Variants in VEPH1 observed in about 807,000 individuals in gnomAD.
VEPH1 encodes the protein ventricular zone expressed PH domain containing 1, also known as ventricular zone-expressed PH domain-containing protein homolog 1.
Under a neutral mutation model 85.2 loss-of-function variants are expected in VEPH1, and 80 were observed. The observed-to-expected ratio is 0.94, with a 90% confidence interval of 0.78 to 1.13. The LOEUF is 1.13. Among genes scored for constraint, VEPH1 ranks in the 50% most tolerant of loss-of-function variants. The pLI is 0.00. For synonymous variants in VEPH1, 297 were observed against 348.0 expected (o/e 0.85, Z 1.63); for missense variants, 955 against 980.5 (o/e 0.97, Z 0.35).
chr3:157,332,299 C>T lies in VEPH1; in HGVS notation c.1736-15098G>A, dbSNP rs554876335. 2.6e-5 allele frequency among the ~76,000 whole-genome samples: 4 copies of T among 152,288 alleles called. No individual in the cohort carries two copies. The South Asian group carries it at 8.3e-4, about 32-fold the overall frequency. On this transcript the variant is annotated intron_variant, in intron 9 of 13. Coordinates refer to ENST00000362010, the MANE Select transcript of VEPH1 (RefSeq NM_001167912.2). ...GTGTACAGTTCAGTGGCAGTAAGTA[C>T]ATTTATGATGTTGTACACCTATCAC...
intron 2 of VEPH1, among the ~76,000 whole-genome samples, chr3:157,477,208 C>A (rs1302999101): frequency 6.8e-6 from 1 of 147,228 alleles, no homozygotes; most frequent in South Asian, 2.1e-4. Context: ...TTTTTTTAAT[C>A]TGTTCTAGCT....
At chr3:157,344,062 G>T (rs1402954981) in intron 9 of VEPH1, among the ~76,000 whole-genome samples, 1 of 152,150 alleles carries the variant, frequency 6.6e-6, no homozygotes, top group Non-Finnish European at 1.5e-5. Context: ...CAAACCCACA[G>T]CCAATAGCAT....
chr3:157,398,283 T>A (rs188627213), intron 6 of VEPH1, among the ~76,000 whole-genome samples: 4 of 152,284 alleles, frequency 2.6e-5, no homozygotes, highest in East Asian at 1.9e-4. Flanking sequence ...AATTTGGTGA[T>A]CTGTAGTCAA....
intron 2 of VEPH1, among the ~76,000 whole-genome samples, chr3:157,488,015 C>T (rs1199337468): frequency 6.6e-6 from 1 of 151,882 alleles, no homozygotes; most frequent in Admixed American, 6.6e-5. Flanking sequence ...TTCTGGAGAG[C>T]TAGTCAGGAT....
chr3:157,264,200 G>A (rs1334465593), intron 13 of VEPH1, among the ~76,000 whole-genome samples: 2 of 152,198 alleles, frequency 1.3e-5, no homozygotes, highest in Non-Finnish European at 2.9e-5. Context: ...GGATATCAGA[G>A]CTCCTGGTTT....
At chr3:157,385,553 T>A (rs73018267) in intron 6 of VEPH1, among the ~76,000 whole-genome samples, 3,944 of 152,244 alleles carry the variant, frequency 0.026, 190 homozygotes, top group African/African-American at 0.091. Context: ...AAACAAAAAA[T>A]TTAGTGAGAA....
rs1735726843 is a variant in VEPH1 at position 157,460,197 on chromosome 3, T to C, written c.513A>G (p.Val171=). 6.2e-7 allele frequency: 1 copy of C among 1,614,100 alleles called. No individual in the cohort carries two copies. Among genetic ancestry groups the C allele is most frequent in the African/African-American group, 1.3e-5 (1 of 74,930 alleles). ...GCACCATACCTTGGAGTATGCTCTT[T>C]ACTATAACTTCCGTGTGATCAGCCA... ...DLLADHTEVI[V]KSILQGNTML... is the part of the protein sequence containing the mutation. The change falls in exon 4 of 14, where the codon GTA becomes GTG. Residue 171 remains valine, a synonymous_variant. Coordinates refer to ENST00000362010, the MANE Select transcript of VEPH1 (RefSeq NM_001167912.2).
chr3:157,403,753 A>G (rs138746384), intron 6 of VEPH1, among the ~76,000 whole-genome samples: 63 of 152,290 alleles, frequency 4.1e-4, no homozygotes, highest in African/African-American at 1.5e-3. Context: ...CATAAAAACA[A>G]GTGGGTCTTG....
intron 3 of VEPH1, among the ~76,000 whole-genome samples, chr3:157,466,035 G>C (rs1248050864): frequency 6.6e-6 from 1 of 152,178 alleles, no homozygotes; most frequent in Non-Finnish European, 1.5e-5. Context: ...CTTCATGATG[G>C]CTGAACTTTC....
intron 5 of VEPH1, among the ~76,000 whole-genome samples, chr3:157,425,506 G>A (rs1262557631): frequency 6.6e-6 from 1 of 152,138 alleles, no homozygotes; most frequent in African/African-American, 2.4e-5. Context: ...TGGAGTCAAT[G>A]GAGATCATTT....
In VEPH1 at chr3:157,341,870, T is replaced by A. The variant is rs1198918179; in HGVS notation, c.1735+21494A>T. 5.3e-5 allele frequency among the ~76,000 whole-genome samples: 8 copies of A among 152,118 alleles called. No individual in the cohort carries two copies. In the East Asian group the frequency reaches 1.5e-3, roughly 29 times the overall value. ...GCCAGAAGAGAGTGGGGGCCAATAT[T>A]CAACATTCTTAAAGAAAAGAATTTT... is the stretch of plus-strand genomic sequence containing the variant. On this transcript the variant is annotated intron_variant, in intron 9 of 13. Coordinates refer to ENST00000362010, the MANE Select transcript of VEPH1 (RefSeq NM_001167912.2).
intron 5 of VEPH1, among the ~76,000 whole-genome samples, chr3:157,427,163 T>C (rs1357028908): frequency 5.9e-5 from 9 of 152,020 alleles, no homozygotes; most frequent in Admixed American, 5.2e-4. Flanking sequence ...AGCTTTTGTA[T>C]TTTTAGTAGA....
At chr3:157,422,975 T>G (rs1732463138) in intron 5 of VEPH1, among the ~76,000 whole-genome samples, 1 of 152,170 alleles carries the variant, frequency 6.6e-6, no homozygotes, top group Non-Finnish European at 1.5e-5. Flanking sequence ...CCAAGGTCAA[T>G]GCCTGTCTCT....
chr3:157,307,857 G>T (rs1195640205), intron 11 of VEPH1, among the ~76,000 whole-genome samples: 3 of 150,994 alleles, frequency 2.0e-5, no homozygotes, highest in Non-Finnish European at 3.0e-5. Context: ...CATTAATTCA[G>T]GTCTTTAAAA....
At chr3:157,276,723 TAGTG>T (rs1349468133) in intron 12 of VEPH1, among the ~76,000 whole-genome samples, 1 of 152,120 alleles carries the variant, frequency 6.6e-6, no homozygotes, top group African/African-American at 2.4e-5. Context: ...ATTGTGTTAA[TAGTG>T]AGACAAAAAT....
intron 12 of VEPH1, among the ~76,000 whole-genome samples, chr3:157,271,853 A>C (rs1376766867): frequency 2.0e-5 from 3 of 152,198 alleles, no homozygotes; most frequent in Non-Finnish European, 1.5e-5. Context: ...AAGTTCATGA[A>C]AAAAATGGAA....
At chr3:157,497,862 C>T (rs1021164998) in intron 1 of VEPH1, among the ~76,000 whole-genome samples, 2 of 152,176 alleles carry the variant, frequency 1.3e-5, no homozygotes, top group African/African-American at 4.8e-5. Flanking sequence ...GTTTAACACA[C>T]AGCCATACAG....
chr3:157,481,799 A>G (rs56877658), intron 2 of VEPH1, among the ~76,000 whole-genome samples: 7,818 of 152,208 alleles, frequency 0.051, 668 homozygotes, highest in African/African-American at 0.18. Flanking sequence ...GTAGGTAGGA[A>G]TTCAGTTTCA....
At chr3:157,272,438 T>TCTTTCTTA in intron 12 of VEPH1, among the ~76,000 whole-genome samples, 1 of 142,040 alleles carries the variant, frequency 7.0e-6, no homozygotes, top group Non-Finnish European at 1.5e-5. Context: ...TTTCTTTCTT[T>TCTTTCTTA]CCTTCTCTCT....
Sources: allele counts gnomAD v4.1 joint callset (sites outside exome capture counted in the v4.1 genomes callset), GRCh38; gene constraint gnomAD v4.1.1; transcripts MANE v1.5; gene names NCBI Gene and HGNC (gene_info 2026-07-23, HGNC 2026-07-21).